TIA1: variants seen among roughly 807,000 people sequenced by gnomAD.
TIA1 encodes the protein TIA1 cytotoxic granule associated RNA binding protein.
In TIA1, 23 loss-of-function variants were observed where a neutral mutation model predicts 65.9. The ratio of observed to expected loss-of-function variants is 0.35; its 90% CI spans 0.25 to 0.49. The LOEUF (loss-of-function observed/expected upper bound fraction) is 0.49, where lower values mean the gene tolerates loss of function less well. Ranked by LOEUF, TIA1 falls within the 20% of genes least tolerant of loss-of-function variation. The pLI is 0.98. For synonymous variants in TIA1, 147 were observed against 149.4 expected, an observed-to-expected ratio of 0.98 and a Z score of 0.12; for missense variants, 371 against 477.9, an observed-to-expected ratio of 0.78 and a Z score of 2.09.
At chr2:70,237,164 A>C (rs1459802082) in intron 1 of TIA1, among the ~76,000 whole-genome samples, 2 of 152,188 alleles carry the variant, frequency 1.3e-5, no homozygotes, top group Non-Finnish European at 2.9e-5. Context: ...GCACTTTGGG[A>C]AGCCAAGGTG....
At chr2:70,229,221 G>A (rs1002185255) in intron 4 of TIA1, 43 bp downstream of exon 4, 3 of 1,607,244 alleles carry the variant, frequency 1.9e-6, no homozygotes, top group African/African-American at 2.7e-5. Flanking sequence ...AAACTACTGG[G>A]TACAATAAAA....
At chr2:70,225,149 C>A in intron 6 of TIA1, 1 of 1,021,994 alleles carries the variant, frequency 9.8e-7, no homozygotes, top group Non-Finnish European at 1.2e-6. Context: ...ATTTTGAGAA[C>A]TTGACATTTT....
At chr2:70,217,367 T>C (rs373811047) in intron 7 of TIA1, among the ~76,000 whole-genome samples, 2 of 151,486 alleles carry the variant, frequency 1.3e-5, no homozygotes, top group South Asian at 2.1e-4. Flanking sequence ...AGATGGGGTT[T>C]CGCCATATTG....
Position 70,224,290 on chromosome 2 carries a change from C to T in TIA1, c.474+264G>A, listed in dbSNP as rs1471966165. 7.1e-6 allele frequency: 3 copies of T among 421,546 alleles called. No individual in the cohort carries two copies. In the East Asian group the frequency reaches 1.2e-4, roughly 17 times the overall value. 26.1% of individuals were successfully genotyped at this position (421,546 alleles called of 1,614,324 possible). A position where few individuals can be genotyped will look rare whatever the true frequency, so the allele number is the denominator to read the frequency against. On this transcript the variant is annotated intron_variant, in intron 7 of 12. Transcript: ENST00000433529. ...AACTAGGGAGATAATGAATTAAATC[C>T]ATAAATGAGATTTTCAACATCTACC...
intron 1 of TIA1, among the ~76,000 whole-genome samples, chr2:70,247,086 C>T (rs184410564): frequency 2.0e-5 from 3 of 152,242 alleles, no homozygotes; most frequent in Admixed American, 2.0e-4. Flanking sequence ...AGAGATTCCA[C>T]CAACACCGTG....
At chr2:70,213,122 G>A (rs563557906) in intron 12 of TIA1, among the ~76,000 whole-genome samples, 14 of 152,126 alleles carry the variant, frequency 9.2e-5, no homozygotes, top group African/African-American at 3.4e-4. Context: ...CATCTCCTTT[G>A]AATATAGAAA....
At chr2:70,240,884 A>G (rs1397542430) in intron 1 of TIA1, among the ~76,000 whole-genome samples, 1 of 150,914 alleles carries the variant, frequency 6.6e-6, no homozygotes, top group South Asian at 2.1e-4. Flanking sequence ...CTGCCCCCCC[A>G]CCAAAAAAAA....
chr2:70,214,396 A>C lies in TIA1; in HGVS notation c.987T>G (p.Val329=). The C allele has an allele frequency of 6.2e-7, 1 of 1,614,016 alleles. No individual in the cohort carries two copies. The highest frequency in any genetic ancestry group is 2.2e-5 in the East Asian group (1 of 44,856). The change falls in exon 12 of 13, where the codon GTT becomes GTG. Residue 329 remains valine (V), a synonymous_variant. Coordinates refer to ENST00000433529, the MANE Select transcript of TIA1 (RefSeq NM_022173.4). The part of the protein sequence containing the change: ...IGQYMPNGWQ[V]PAYGMYGQAW... ...CCTGGCCATACATTCCATATGCAGG[A>C]ACTTGCCAACCATTAGGCATATACT...
intron 7 of TIA1, among the ~76,000 whole-genome samples, chr2:70,217,830 T>G (rs1227217014): frequency 6.6e-6 from 1 of 152,200 alleles, no homozygotes; most frequent in Non-Finnish European, 1.5e-5. Flanking sequence ...ATATTAAATT[T>G]TGGGAACATT....
intron 1 of TIA1, among the ~76,000 whole-genome samples, chr2:70,242,494 C>CAAA (rs11380260): frequency 0.027 from 908 of 33,442 alleles, 276 homozygotes; most frequent in African/African-American, 0.089. Flanking sequence ...GACTCAGTCT[C>CAAA]AAAAAAAAAA....
intron 5 of TIA1, chr2:70,228,805 G>T: frequency 1.5e-6 from 2 of 1,377,938 alleles, no homozygotes; most frequent in Non-Finnish European, 9.4e-7. Context: ...AGGGTATTTT[G>T]CCCCTTAGTT....
intron 7 of TIA1, among the ~76,000 whole-genome samples, chr2:70,222,574 TA>T (rs1553435336): frequency 1.3e-5 from 2 of 152,180 alleles, no homozygotes; most frequent in Non-Finnish European, 2.9e-5. Flanking sequence ...AAATTTTACA[TA>T]AGTTGAAATT....
At chr2:70,240,635 G>A (rs1375857067) in intron 1 of TIA1, among the ~76,000 whole-genome samples, 9 of 152,178 alleles carry the variant, frequency 5.9e-5, no homozygotes, top group African/African-American at 2.2e-4. Flanking sequence ...TTGGGAGGCC[G>A]AGGTAGGCAG....
rs150730026 is a variant in TIA1 at position 70,220,617 on chromosome 2, C to T, written c.475-3623G>A. 5.0e-3 allele frequency among the ~76,000 whole-genome samples: 767 copies of T among 152,144 alleles called. 5 individuals are homozygous for T. Among genetic ancestry groups the T allele is most frequent in the South Asian group, 0.014 (68 of 4,818 alleles). On this transcript the variant is annotated intron_variant, in intron 7 of 12. Transcript: ENST00000433529. ...GCTGACACCTTGATTGTGAATTTCA[C>T]GCCTCCAAAACATTGAGAAAATAAA... is the stretch of plus-strand genomic sequence containing the variant.
chr2:70,228,364 T>C, intron 5 of TIA1: 1 of 1,288,288 alleles, frequency 7.8e-7, no homozygotes. Context: ...AACAGTTTGA[T>C]GTTAAAGTAT....
intron 2 of TIA1, among the ~76,000 whole-genome samples, chr2:70,233,822 T>C (rs1018616937): frequency 7.3e-5 from 11 of 151,592 alleles, no homozygotes; most frequent in African/African-American, 2.7e-4. Context: ...AAAAAGAATA[T>C]GCTTTACTTA....
At chr2:70,230,672 TTAA>T (rs1344205753) in intron 3 of TIA1, 81 bp downstream of exon 3, 1 of 1,092,902 alleles carries the variant, frequency 9.1e-7, no homozygotes, top group Non-Finnish European at 1.3e-6. Flanking sequence ...AAAAAAGTGT[TTAA>T]TGTTTCTAAA....
At chr2:70,236,928 C>T (rs931933421) in intron 1 of TIA1, among the ~76,000 whole-genome samples, 2 of 152,166 alleles carry the variant, frequency 1.3e-5, no homozygotes, top group African/African-American at 4.8e-5. Context: ...GGCATTGTGC[C>T]CAGCCCTTGA....
rs892070445 is a variant in TIA1, at chr2:70,222,731, T to C, written c.474+1823A>G. 3.9e-5 allele frequency among the ~76,000 whole-genome samples: 6 copies of C among 152,234 alleles called. No homozygotes were observed. The East Asian group carries it at 5.8e-4, about 15-fold the overall frequency. ...GAGTTTGAGACCAGCCTGGCCAACA[T>C]AGTGAAATCCTGTCTCTACTAAAAA... On this transcript the variant is annotated intron_variant, in intron 7 of 12. Transcript: ENST00000433529.
Sources: gnomAD v4.1 joint callset for allele counts (sites outside exome capture counted in the v4.1 genomes callset) on GRCh38, gnomAD v4.1.1 for gene constraint, MANE v1.5 for transcripts, NCBI Gene and HGNC (gene_info 2026-07-23, HGNC 2026-07-21) for gene names.